The following CDH13 variants were observed in gnomAD, a reference collection of about 807,000 sequenced individuals.
CDH13 encodes the protein cadherin 13.
Under a neutral mutation model 63.8 loss-of-function variants are expected in CDH13, and 24 were observed. The observed-to-expected ratio is 0.38, with a 90% CI of 0.27 to 0.53. The LOEUF is 0.53. Among genes scored for constraint, CDH13 ranks in the 20% least tolerant of loss-of-function variants. CDH13 has a pLI of 0.85. For missense variants in CDH13, 1,049 were observed against 903.1 expected, an observed-to-expected ratio of 1.16 and a Z score of -2.07; for synonymous variants, 503 against 355.3, an observed-to-expected ratio of 1.42 and a Z score of -4.67.
intron 1 of CDH13, chr16:82,639,312 C>A: frequency 7.3e-7 from 1 of 1,363,774 alleles, no homozygotes; most frequent in Non-Finnish European, 1.0e-6. Flanking sequence ...ACAGGGTCAG[C>A]CCGGGGTCAT....
intron 6 of CDH13, among the ~76,000 whole-genome samples, chr16:83,477,877 C>G (rs2073646754): frequency 6.6e-6 from 1 of 152,048 alleles, no homozygotes; most frequent in Admixed American, 6.6e-5. Context: ...AAATTCCCAC[C>G]TTTTCTTAAA....
At chr16:83,425,465 C>G (rs565399586) in intron 6 of CDH13, among the ~76,000 whole-genome samples, 2 of 152,262 alleles carry the variant, frequency 1.3e-5, no homozygotes, top group East Asian at 3.9e-4. Flanking sequence ...GAAACAAGCT[C>G]CCTGCACTCA....
chr16:83,540,501 G>A (rs1036171997), intron 7 of CDH13, among the ~76,000 whole-genome samples: 2 of 152,102 alleles, frequency 1.3e-5, no homozygotes, highest in African/African-American at 4.8e-5. Flanking sequence ...GAAGCTCAGG[G>A]GTGCCTTTGC....
intron 4 of CDH13, among the ~76,000 whole-genome samples, chr16:83,160,243 T>C (rs543531128): frequency 2.6e-5 from 4 of 152,232 alleles, no homozygotes; most frequent in African/African-American, 9.6e-5. Context: ...TGTACCACTC[T>C]GGTGGGGGTC....
chr16:83,758,659 A>G (rs1202615305), intron 11 of CDH13, among the ~76,000 whole-genome samples: 1 of 152,254 alleles, frequency 6.6e-6, no homozygotes, highest in Non-Finnish European at 1.5e-5. Context: ...ATTTTCAGAG[A>G]ATCTATTACT....
At chr16:83,265,092 A>G (rs901910276) in intron 5 of CDH13, among the ~76,000 whole-genome samples, 1 of 152,196 alleles carries the variant, frequency 6.6e-6, no homozygotes, top group African/African-American at 2.4e-5. Flanking sequence ...GCTGTGAGAT[A>G]CTTGTCAATG....
intron 7 of CDH13, among the ~76,000 whole-genome samples, chr16:83,571,230 G>A (rs1306481169): frequency 6.6e-6 from 1 of 151,954 alleles, no homozygotes; most frequent in East Asian, 1.9e-4. Flanking sequence ...TTTTACTACT[G>A]AGAAAGCAGT....
chr16:83,313,024 A>T (rs1597723765), intron 5 of CDH13, among the ~76,000 whole-genome samples: 1 of 152,202 alleles, frequency 6.6e-6, no homozygotes, highest in Non-Finnish European at 1.5e-5. Flanking sequence ...CTACAAGTGC[A>T]TGGGGAATCA....
chr16:83,324,919 C>T (rs996688133), intron 5 of CDH13, among the ~76,000 whole-genome samples: 1 of 152,110 alleles, frequency 6.6e-6, no homozygotes, highest in African/African-American at 2.4e-5. Context: ...TGATTTGGCC[C>T]CACTCACCTC....
At chr16:83,788,283 G>A (rs765758518) in intron 13 of CDH13, among the ~76,000 whole-genome samples, 11 of 152,084 alleles carry the variant, frequency 7.2e-5, no homozygotes, top group South Asian at 4.1e-4. Flanking sequence ...GACCAGAGCC[G>A]CTGTGCACCT....
intron 3 of CDH13, among the ~76,000 whole-genome samples, chr16:83,119,077 G>T (rs530289283): frequency 1.3e-5 from 2 of 152,088 alleles, no homozygotes; most frequent in East Asian, 3.9e-4. Context: ...AAATTCAGCC[G>T]TCATCTGTTC....
chr16:83,249,241 T>A (rs1227091526), intron 5 of CDH13, among the ~76,000 whole-genome samples: 1 of 152,142 alleles, frequency 6.6e-6, no homozygotes, highest in Non-Finnish European at 1.5e-5. Context: ...TCTAACCCAG[T>A]GGTTGGCACG....
chr16:83,480,462 T>G (rs894374036), intron 6 of CDH13, among the ~76,000 whole-genome samples: 9 of 152,092 alleles, frequency 5.9e-5, no homozygotes, highest in South Asian at 2.1e-4. Flanking sequence ...CTTTCTTTGT[T>G]ACTGAGGACG....
chr16:82,638,020 T>A (rs1413582782), intron 1 of CDH13, among the ~76,000 whole-genome samples: 1 of 152,220 alleles, frequency 6.6e-6, no homozygotes, highest in Non-Finnish European at 1.5e-5. Context: ...ATTGTTACAA[T>A]AGGAAGCAGT....
chr16:83,530,791 G>A (rs1598231901), intron 7 of CDH13, among the ~76,000 whole-genome samples: 1 of 152,026 alleles, frequency 6.6e-6, no homozygotes, highest in East Asian at 1.9e-4. Context: ...GGCAATCTCA[G>A]ATTGCCACCT....
At chr16:82,886,753 A>C (rs1261377755) in intron 2 of CDH13, among the ~76,000 whole-genome samples, 1 of 152,150 alleles carries the variant, frequency 6.6e-6, no homozygotes, top group African/African-American at 2.4e-5. Flanking sequence ...GTGACCCTCC[A>C]GTCAAAACCA....
At chr16:83,473,005 T>C (rs917133903) in intron 6 of CDH13, among the ~76,000 whole-genome samples, 7 of 152,154 alleles carry the variant, frequency 4.6e-5, no homozygotes, top group Non-Finnish European at 7.3e-5. Context: ...TCCAGTTCCA[T>C]GGGGGCACAG....
At chr16:83,094,936 C>T (rs749186736) in intron 3 of CDH13, among the ~76,000 whole-genome samples, 1 of 152,096 alleles carries the variant, frequency 6.6e-6, no homozygotes, top group Non-Finnish European at 1.5e-5. Flanking sequence ...TGATGATGAT[C>T]ATCATCATCC....
intron 3 of CDH13, among the ~76,000 whole-genome samples, chr16:83,100,975 T>C (rs2034446912): frequency 6.6e-6 from 1 of 152,162 alleles, no homozygotes; most frequent in Non-Finnish European, 1.5e-5. Context: ...TTGAATTCTT[T>C]CTCATTTTTC....
Sources: allele counts gnomAD v4.1 joint callset (sites outside exome capture counted in the v4.1 genomes callset), GRCh38; gene constraint gnomAD v4.1.1; transcripts MANE v1.5; gene names NCBI Gene and HGNC (gene_info 2026-07-23, HGNC 2026-07-21).